STOML2: variants seen among roughly 807,000 people sequenced by gnomAD.
STOML2 encodes the protein stomatin-like protein 2, mitochondrial.
STOML2 carries 22 observed loss-of-function variants against 45.7 expected under a neutral mutation model. The observed-to-expected ratio is 0.48, with a 90% confidence interval of 0.34 to 0.69. The LOEUF (loss-of-function observed/expected upper bound fraction) is 0.69. STOML2 is among the 30% of genes least tolerant of loss of function. The pLI is 0.01. For missense variants in STOML2, 359 were observed against 466.9 expected (o/e 0.77, Z 2.13); for synonymous variants, 181 against 182.7 (o/e 0.99, Z 0.08).
In STOML2 at chr9:35,102,947, C is replaced by A; in HGVS notation, c.45+103G>T. On this transcript the variant is annotated intron_variant, in intron 1 of 9. Transcript: ENST00000356493. The surrounding 1 kb of genome is among the most constrained non-coding windows in gnomAD (Gnocchi z 4.8). ...CGGAGAATCACATGGGGACCATGACCTCTGACCCCAGTCCTCTCCAAAAGT... is the reference window on the plus strand; with the variant it reads ...CGGAGAATCACATGGGGACCATGACATCTGACCCCAGTCCTCTCCAAAAGT... 6.3e-7 allele frequency: 1 copy of A among 1,585,582 alleles called. No homozygotes were observed. The highest frequency in any genetic ancestry group is 8.6e-7 in the Non-Finnish European group (1 of 1,163,514).
rs764986636 is a variant in STOML2 at position 35,102,199 on chromosome 9, A to C, written c.184-5T>G. 42 of 1,613,332 alleles carry C rather than the reference A, an allele frequency of 2.6e-5. No homozygotes were observed. The Middle Eastern group carries it at 6.6e-4, about 25-fold the overall frequency. Reference sequence around the variant, plus strand: ...AGGGATGAGGATGTTCAAACCCTGGAAAGAGGAGTCATGGGTCCTCAGAAG... The same window carrying C: ...AGGGATGAGGATGTTCAAACCCTGGCAAGAGGAGTCATGGGTCCTCAGAAG... On this transcript the variant is annotated splice_polypyrimidine_tract_variant and splice_region_variant and intron_variant, in intron 2 of 9. Transcript: ENST00000356493. This position sits in a 1 kb window ranked among gnomAD's most constrained non-coding sequence, Gnocchi z 4.8.
Position 35,102,596 on chromosome 9 carries a change from G to C in STOML2, c.183+90C>G, listed in dbSNP as rs1476698640. ...CTACAGAGTCGGGAGCTAACAGTGC[G>C]GGCAGGCCCAAAGGAAGTCCTCCCG... On this transcript the variant is annotated intron_variant, in intron 2 of 9. Coordinates refer to ENST00000356493, the MANE Select transcript of STOML2 (RefSeq NM_013442.3). This position sits in a 1 kb window ranked among gnomAD's most constrained non-coding sequence, Gnocchi z 4.8. 3.2e-6 allele frequency: 5 copies of C among 1,559,712 alleles called. No individual in the cohort carries two copies. The South Asian group carries it at 4.9e-5, about 15-fold the overall frequency.
chr9:35,100,486 G>A, intron 9 of STOML2, 112 bp downstream of exon 9: 2 of 1,450,858 alleles, frequency 1.4e-6, no homozygotes, highest in Non-Finnish European at 1.9e-6. Flanking sequence ...GGAGGTCTAG[G>A]GCCAAGGCAC....
At position 35,102,823 on chromosome 9, in the gene STOML2, C is replaced by G; in HGVS notation, c.46G>C (p.Gly16Arg). ...ARGTGALLLR[G>R]SLLASGRAPR... Reference sequence around the variant, plus strand: ...GCGCGGCCAGAAGCCAGTAGAGAGCCCTGAAGGAAAGAAGAGGGTGAGCAG... The same window carrying G: ...GCGCGGCCAGAAGCCAGTAGAGAGCGCTGAAGGAAAGAAGAGGGTGAGCAG... Residue 16 changes from glycine to arginine, a missense_variant and splice_region_variant, in exon 2 of 10, where the codon GGC (glycine) becomes CGC (arginine). Physicochemically the swap from Gly to Arg is moderately radical, Grantham distance 125 (BLOSUM62 -2). This residue lies in a region of STOML2 where 74 missense variants were observed against 45.0 expected (regional missense o/e 1.65). Transcript: ENST00000356493. The surrounding 1 kb of genome is among the most constrained non-coding windows in gnomAD (Gnocchi z 4.8). The G allele has an allele frequency of 6.2e-7, 1 of 1,613,848 alleles. No individual in the cohort carries two copies. Among genetic ancestry groups the G allele is most frequent in the Non-Finnish European group, 8.5e-7 (1 of 1,179,908 alleles).
chr9:35,099,799 C>T lies in STOML2; in HGVS notation c.*236G>A. On this transcript the variant is annotated 3_prime_UTR_variant, in exon 10 of 10. Coordinates refer to ENST00000356493, the MANE Select transcript of STOML2 (RefSeq NM_013442.3). ...ATAGTTTCACTTTACAAGAAGTTCA[C>T]TCTTATTCATGGAGGCATCATGCTG... The T allele has an allele frequency of 2.0e-6, 1 of 489,052 alleles. No individual in the cohort carries two copies. The allele number at this position is 489,052 out of a possible 1,614,324, so 30.3% of individuals were successfully genotyped here. A position where few individuals can be genotyped will look rare whatever the true frequency, so the allele number is the denominator to read the frequency against.
rs547605574 is a variant in STOML2 at position 35,101,340 on chromosome 9, C to G, written c.580-61G>C. 7.1e-5 allele frequency: 115 copies of G among 1,613,334 alleles called. No individual in the cohort carries two copies. The highest frequency in any genetic ancestry group is 3.8e-4 in the Admixed American group (23 of 60,010). On this transcript the variant is annotated intron_variant, in intron 6 of 9. Transcript: ENST00000356493. The surrounding 1 kb of genome is among the most constrained non-coding windows in gnomAD (Gnocchi z 4.3). ...GGGAGACTGATACAGACATGCAACT[C>G]TACCCATCATAACAGGAGGGAAGTC... is the stretch of plus-strand genomic sequence containing the variant.
rs1370037540 is a variant in STOML2, at chr9:35,103,090, A to C, written c.5T>G (p.Leu2Arg). The C allele has an allele frequency of 6.2e-7, 1 of 1,613,490 alleles. No homozygotes were observed. Among genetic ancestry groups the C allele is most frequent in the African/African-American group, 1.3e-5 (1 of 74,902 alleles). Reference sequence around the variant, plus strand: ...CCCAGTGCCCCGCGCCGCGCGCGCCAGCATTTCCCACCGCCGCAGCGACCT... The same window carrying C: ...CCCAGTGCCCCGCGCCGCGCGCGCCCGCATTTCCCACCGCCGCAGCGACCT... Reference protein sequence around the residue: MLARAARGTGAL... With the variant: MRARAARGTGAL... The change falls in exon 1 of 10, where the codon CTG (leucine) becomes CGG (arginine). Residue 2 changes from leucine to arginine, a missense_variant. Leu to Arg is a moderately radical substitution (Grantham distance 102, BLOSUM62 -2). Transcript: ENST00000356493.
chr9:35,102,272 G>A lies in STOML2; in HGVS notation c.184-78C>T. The A allele has an allele frequency of 1.6e-6, 2 of 1,247,740 alleles. No individual in the cohort carries two copies. The highest frequency in any genetic ancestry group is 2.3e-6 in the Non-Finnish European group (2 of 869,494). The allele number at this position is 1,247,740 out of a possible 1,614,324, so 77.3% of individuals were successfully genotyped here. On this transcript the variant is annotated intron_variant, in intron 2 of 9. Coordinates refer to ENST00000356493, the MANE Select transcript of STOML2 (RefSeq NM_013442.3). This position sits in a 1 kb window ranked among gnomAD's most constrained non-coding sequence, Gnocchi z 4.8. The stretch of plus-strand genomic sequence containing the variant: ...CCTAAGCTAGTCCTGGAGTATGTAG[G>A]GAGTCAACACATGGAACATGCCCAG...
chr9:35,100,778 G>T (rs538633881), intron 8 of STOML2, 52 bp from the exon 9 acceptor site: 286 of 1,613,680 alleles, frequency 1.8e-4, no homozygotes, highest in Admixed American at 3.7e-4. Flanking sequence ...GAGAAGAAGG[G>T]GGGGATGGGG....
chr9:35,102,459 T>G lies in STOML2; in HGVS notation c.183+227A>C, dbSNP rs138859576. 1.3e-3 allele frequency: 907 copies of G among 712,406 alleles called. 4 individuals carry two copies. In the African/African-American group the frequency reaches 0.014, roughly 11 times the overall value. The allele number at this position is 712,406 out of a possible 1,614,324, so 44.1% of individuals were successfully genotyped here. On this transcript the variant is annotated intron_variant, in intron 2 of 9. Transcript: ENST00000356493. The surrounding 1 kb of genome is among the most constrained non-coding windows in gnomAD (Gnocchi z 4.8). The stretch of plus-strand genomic sequence containing the variant: ...AGCCATCTCTATGCAGACTGAGAGG[T>G]AGGGCTGAGAGTGGGCAGGGGAGAT...
rs1483054860 is a variant in STOML2, at chr9:35,102,071, C to T, written c.283+24G>A. ...ACCACATCCTAATAGCCTCAGAGCA[C>T]CCATGTCACCCTGAACCCCTCACCG... On this transcript the variant is annotated intron_variant, in intron 3 of 9. Coordinates refer to ENST00000356493, the MANE Select transcript of STOML2 (RefSeq NM_013442.3). The surrounding 1 kb of genome is among the most constrained non-coding windows in gnomAD (Gnocchi z 4.8). 1 of 1,612,598 alleles carries T rather than the reference C, an allele frequency of 6.2e-7. No individual in the cohort carries two copies. The highest frequency in any genetic ancestry group is 8.5e-7 in the Non-Finnish European group (1 of 1,178,792).
At position 35,102,652 on chromosome 9, in the gene STOML2, G is replaced by A. The variant is rs770177137; in HGVS notation, c.183+34C>T. ...GCATGTCGTGAGGGATTGGTCATCT[G>A]GCTGGCCCAGGGTGGGCAGAAGAGG... is the stretch of plus-strand genomic sequence containing the variant. On this transcript the variant is annotated intron_variant, in intron 2 of 9. Coordinates refer to ENST00000356493, the MANE Select transcript of STOML2 (RefSeq NM_013442.3). The surrounding 1 kb of genome is among the most constrained non-coding windows in gnomAD (Gnocchi z 4.8). 1.1e-5 allele frequency: 18 copies of A among 1,609,120 alleles called. No homozygotes were observed. The highest frequency in any genetic ancestry group is 1.3e-5 in the Non-Finnish European group (15 of 1,178,630).
Position 35,101,362 on chromosome 9 carries a change from A to G in STOML2, c.579+64T>C. 6.2e-7 allele frequency: 1 copy of G among 1,606,146 alleles called. No individual in the cohort carries two copies. Reference sequence around the variant, plus strand: ...ACTCTACCCATCATAACAGGAGGGAAGTCTGGATCCTCCTGGTACTGGAGC... The same window carrying G: ...ACTCTACCCATCATAACAGGAGGGAGGTCTGGATCCTCCTGGTACTGGAGC... On this transcript the variant is annotated intron_variant, in intron 6 of 9. Transcript: ENST00000356493. The surrounding 1 kb of genome is among the most constrained non-coding windows in gnomAD (Gnocchi z 4.3).
chr9:35,102,802 G>A lies in STOML2; in HGVS notation c.67C>T (p.Arg23Cys), dbSNP rs1332129334. ...CCAGAGGAGGCGCGGCGCGGAGCGC[G>A]GCCAGAAGCCAGTAGAGAGCCCTGA... is the stretch of plus-strand genomic sequence containing the variant. ...LLRGSLLASG[R>C]APRRASSGLP... The change falls in exon 2 of 10, where the codon CGC becomes TGC. Residue 23 changes from arginine to cysteine, a missense_variant. Coordinates refer to ENST00000356493, the MANE Select transcript of STOML2 (RefSeq NM_013442.3). This position sits in a 1 kb window ranked among gnomAD's most constrained non-coding sequence, Gnocchi z 4.8. The A allele has an allele frequency of 8.1e-6, 13 of 1,613,940 alleles. No individual in the cohort carries two copies. The highest frequency in any genetic ancestry group is 1.1e-5 in the Non-Finnish European group (13 of 1,179,920).
In STOML2 at chr9:35,102,929, T is replaced by A; in HGVS notation, c.46-106A>T. The A allele has an allele frequency of 3.2e-6, 5 of 1,574,698 alleles. No individual in the cohort carries two copies. Among genetic ancestry groups the A allele is most frequent in the Non-Finnish European group, 4.3e-6 (5 of 1,158,440 alleles). ...CACGACCCTCAGGATCCTCGGAGAA[T>A]CACATGGGGACCATGACCTCTGACC... On this transcript the variant is annotated intron_variant, in intron 1 of 9. Coordinates refer to ENST00000356493, the MANE Select transcript of STOML2 (RefSeq NM_013442.3). The surrounding 1 kb of genome is among the most constrained non-coding windows in gnomAD (Gnocchi z 4.8).
In STOML2 at chr9:35,101,229, G is replaced by C; in HGVS notation, c.630C>G (p.Thr210=). Residue 210 remains threonine, a synonymous_variant, in exon 7 of 10, where the codon ACC becomes ACG. Transcript: ENST00000356493. This position sits in a 1 kb window ranked among gnomAD's most constrained non-coding sequence, Gnocchi z 4.3. ...KRATVLESEG[T]RESAINVAEG... ...CTGCCACATTGATGGCCGACTCTCGGGTCCCCTCAGACTCTAGAACTGTGG... is the reference window on the plus strand; with the variant it reads ...CTGCCACATTGATGGCCGACTCTCGCGTCCCCTCAGACTCTAGAACTGTGG... 6.2e-7 allele frequency: 1 copy of C among 1,614,140 alleles called. No individual in the cohort carries two copies. Among genetic ancestry groups the C allele is most frequent in the South Asian group, 1.1e-5 (1 of 91,080 alleles).
At chr9:35,100,820 C>A in intron 8 of STOML2, 94 bp from the exon 9 acceptor site, 3 of 1,611,402 alleles carry the variant, frequency 1.9e-6, no homozygotes, top group Non-Finnish European at 2.5e-6. Flanking sequence ...TAAAAAGGAC[C>A]ATGTAATCTG....
intron 9 of STOML2, 123 bp downstream of exon 9, chr9:35,100,475 G>C: frequency 7.6e-7 from 1 of 1,321,784 alleles, no homozygotes; most frequent in Non-Finnish European, 1.1e-6. Context: ...AAAGAATGAA[G>C]GGAGGTCTAG....
Position 35,100,161 on chromosome 9 carries a change from T to A in STOML2, c.945A>T (p.Val315=). Residue 315 remains valine, a synonymous_variant, in exon 10 of 10, where the codon GTA becomes GTT. Coordinates refer to ENST00000356493, the MANE Select transcript of STOML2 (RefSeq NM_013442.3). ...VTSMVAQAMG[V]YGALTKAPVP... ...CTGGGGCTTTGGTGAGGGCTCCATA[T>A]ACACCCATGGCCTGAGGAGAGGAAC... 6.2e-7 allele frequency: 1 copy of A among 1,614,002 alleles called. No homozygotes were observed. The highest frequency in any genetic ancestry group is 8.5e-7 in the Non-Finnish European group (1 of 1,179,980).
Sources: allele counts gnomAD v4.1 joint callset, GRCh38; gene constraint gnomAD v4.1.1; regional missense constraint gnomAD v4.1.1; non-coding constraint Gnocchi (gnomAD v3.1); transcripts MANE v1.5; gene names NCBI Gene and HGNC (gene_info 2026-07-23, HGNC 2026-07-21).